PPARGC1A: variants seen among roughly 807,000 people sequenced by gnomAD.
The protein encoded by PPARGC1A is peroxisome proliferator-activated receptor gamma coactivator 1-alpha.
PPARGC1A carries 25 observed loss-of-function variants against 88.7 expected under a neutral mutation model. The ratio of observed to expected loss-of-function variants is 0.28; its 90% CI spans 0.21 to 0.39. The LOEUF is 0.39. PPARGC1A is among the 10% of genes least tolerant of loss of function. The probability of loss-of-function intolerance (pLI) is 1.00; values close to 1 mark genes in which losing one functional copy is unlikely to be tolerated. For missense variants in PPARGC1A, 880 were observed against 968.7 expected (o/e 0.91, Z 1.22); for synonymous variants, 363 against 355.6 (o/e 1.02, Z -0.24).
chr4:23,873,193 G>A (rs1432940595), intron 2 of PPARGC1A, among the ~76,000 whole-genome samples: 10 of 52,544 alleles, frequency 1.9e-4, no homozygotes, highest in African/African-American at 3.5e-4. Context: ...GCGAGACTCC[G>A]TCTCAAAAAT....
the PPARGC1A span, among the ~76,000 whole-genome samples, chr4:24,088,310 G>A: frequency 3.3e-5 from 5 of 152,024 alleles, no homozygotes; most frequent in Admixed American, 3.3e-4. Flanking sequence ...AGCCATGATT[G>A]TGTCACTGCA....
At chr4:23,948,391 T>A in the PPARGC1A span, among the ~76,000 whole-genome samples, 1 of 152,186 alleles carries the variant, frequency 6.6e-6, no homozygotes, top group Non-Finnish European at 1.5e-5. Context: ...AAGACTCCTG[T>A]GTCATGCTTC....
chr4:23,865,433 A>C (rs1348516015), intron 2 of PPARGC1A, among the ~76,000 whole-genome samples: 1 of 152,180 alleles, frequency 6.6e-6, no homozygotes, highest in Non-Finnish European at 1.5e-5. Context: ...AAGGGTAGTG[A>C]TTGACACTTA....
chr4:23,968,104 T>G, the PPARGC1A span, among the ~76,000 whole-genome samples: 2 of 152,138 alleles, frequency 1.3e-5, no homozygotes, highest in African/African-American at 4.8e-5. Flanking sequence ...GGAGGCCTCA[T>G]GGTTGAAATC....
the PPARGC1A span, among the ~76,000 whole-genome samples, chr4:24,379,090 A>G: frequency 6.6e-6 from 1 of 152,216 alleles, no homozygotes; most frequent in African/African-American, 2.4e-5. Context: ...AGGTTATTCA[A>G]CAAAGCTTTA....
At chr4:24,089,574 G>A in the PPARGC1A span, among the ~76,000 whole-genome samples, 7 of 145,866 alleles carry the variant, frequency 4.8e-5, no homozygotes, top group African/African-American at 5.2e-5. Context: ...GCAGTGGCGC[G>A]ATCTCGGCTC....
Position 23,801,738 on chromosome 4 carries a change from G to T in PPARGC1A, c.2285C>A (p.Ala762Glu), listed in dbSNP as rs1230778751. 2.5e-6 allele frequency: 4 copies of T among 1,613,802 alleles called. No individual in the cohort carries two copies. The African/African-American group carries it at 4.0e-5, about 16-fold the overall frequency. Reference sequence around the variant, plus strand: ...TACAATAAAATCCATACCTAGGTCTGCATAGTTAGACTTGAAAAATTGCTT... The same window carrying T: ...TACAATAAAATCCATACCTAGGTCTTCATAGTTAGACTTGAAAAATTGCTT... ...GRKQFFKSNY[A>E]DLDSNSDDFD... The change falls in exon 12 of 13, where the codon GCA becomes GAA. Residue 762 changes from alanine (A) to glutamate (E), a missense_variant. By Grantham distance (107) the Ala-to-Glu change is moderately radical (BLOSUM62 -1). Transcript: ENST00000264867.
the PPARGC1A span, among the ~76,000 whole-genome samples, chr4:24,261,053 C>T: frequency 6.6e-6 from 1 of 152,172 alleles, no homozygotes; most frequent in Non-Finnish European, 1.5e-5. Context: ...ATGCTTGCTT[C>T]CTTGTCAGTT....
In PPARGC1A at chr4:23,794,012, G is replaced by A. The variant is rs1055919165; in HGVS notation, c.*1810C>T. 6.6e-6 allele frequency: 1 copy of A among 152,524 alleles called. No homozygotes were observed. The highest frequency in any genetic ancestry group is 1.5e-5 in the Non-Finnish European group (1 of 68,010). 9.4% of individuals were successfully genotyped at this position (152,524 alleles called of 1,614,324 possible). ...CAGTATTTATACAGGATGCATAACT[G>A]TAAAAAATACAGATAAATACCATCG... On this transcript the variant is annotated 3_prime_UTR_variant, in exon 13 of 13. Coordinates refer to ENST00000264867, the MANE Select transcript of PPARGC1A (RefSeq NM_013261.5).
the PPARGC1A span, among the ~76,000 whole-genome samples, chr4:24,239,963 G>A: frequency 1.1e-4 from 17 of 151,692 alleles, no homozygotes; most frequent in East Asian, 2.9e-3. Flanking sequence ...TCTCCCACCC[G>A]CTCTCCCACC....
chr4:24,373,976 A>C, the PPARGC1A span, among the ~76,000 whole-genome samples: 1 of 152,332 alleles, frequency 6.6e-6, no homozygotes, highest in African/African-American at 2.4e-5. Flanking sequence ...ACAGAAATCA[A>C]AACAAAACCA....
chr4:23,828,298 C>T, intron 5 of PPARGC1A, 102 bp downstream of exon 5: 1 of 1,231,240 alleles, frequency 8.1e-7, no homozygotes, highest in East Asian at 2.3e-5. Context: ...CAGAGTGACG[C>T]TGATGGGACG....
chr4:24,320,176 C>T, the PPARGC1A span, among the ~76,000 whole-genome samples: 2 of 152,208 alleles, frequency 1.3e-5, no homozygotes, highest in African/African-American at 2.4e-5. Context: ...TGCTGTGAAT[C>T]ACTGCCACAA....
At chr4:24,160,550 T>C in the PPARGC1A span, among the ~76,000 whole-genome samples, 4 of 152,162 alleles carry the variant, frequency 2.6e-5, no homozygotes, top group South Asian at 2.1e-4. Flanking sequence ...TGCCAATCTC[T>C]TCAAAGAGGA....
the PPARGC1A span, among the ~76,000 whole-genome samples, chr4:24,415,683 TA>T: frequency 5.9e-5 from 9 of 152,228 alleles, no homozygotes; most frequent in African/African-American, 2.2e-4. Flanking sequence ...CGAATACATA[TA>T]AAGTTTGTTT....
chr4:24,059,988 A>G, the PPARGC1A span, among the ~76,000 whole-genome samples: 32 of 152,222 alleles, frequency 2.1e-4, no homozygotes, highest in Non-Finnish European at 8.8e-5. Flanking sequence ...ACCATGCACA[A>G]GCACACCTGG....
chr4:24,445,715 G>A, the PPARGC1A span, among the ~76,000 whole-genome samples: 2 of 152,140 alleles, frequency 1.3e-5, no homozygotes, highest in African/African-American at 2.4e-5. Flanking sequence ...TGGGCAGGAA[G>A]GGGATGCCTT....
chr4:24,430,304 G>A, the PPARGC1A span, among the ~76,000 whole-genome samples: 1 of 139,616 alleles, frequency 7.2e-6, no homozygotes, highest in East Asian at 2.2e-4. Flanking sequence ...TGTCTCCCAG[G>A]CTGGAGTGCA....
chr4:23,814,686 A>T, intron 7 of PPARGC1A, 81 bp from the exon 8 acceptor site: 2 of 1,266,644 alleles, frequency 1.6e-6, no homozygotes, highest in Admixed American at 2.9e-5. Flanking sequence ...GCGAAGACAC[A>T]TGTTTCTAAT....
Sources: gnomAD v4.1 joint callset for allele counts (sites outside exome capture counted in the v4.1 genomes callset) on GRCh38, gnomAD v4.1.1 for gene constraint, MANE v1.5 for transcripts, NCBI Gene and HGNC (gene_info 2026-07-23, HGNC 2026-07-21) for gene names.